ZCCHC7: variants seen among roughly 807,000 people sequenced by gnomAD.
ZCCHC7 encodes zinc finger CCHC-type containing 7, also known as zinc finger CCHC domain-containing protein 7.
In ZCCHC7, 35 loss-of-function variants were observed where a neutral mutation model predicts 52.0. The ratio of observed to expected loss-of-function variants is 0.67; its 90% CI spans 0.51 to 0.89. The LOEUF (loss-of-function observed/expected upper bound fraction) is 0.89. Among genes scored for constraint, ZCCHC7 ranks in the 40% least tolerant of loss-of-function variants. ZCCHC7 has a pLI of 0.00. For synonymous variants in ZCCHC7, 217 were observed against 221.5 expected, an observed-to-expected ratio of 0.98 and a Z score of 0.18; for missense variants, 574 against 649.1, an observed-to-expected ratio of 0.88 and a Z score of 1.26.
At chr9:37,186,713 C>G (rs1822677962) in intron 2 of ZCCHC7, 1 of 581,794 alleles carries the variant, frequency 1.7e-6, no homozygotes, top group Non-Finnish European at 3.2e-6. Flanking sequence ...TCCTTGCAGG[C>G]CAAGAATAAA....
intron 6 of ZCCHC7, among the ~76,000 whole-genome samples, chr9:37,340,215 G>A (rs896340539): frequency 3.9e-5 from 6 of 152,118 alleles, no homozygotes; most frequent in East Asian, 1.9e-4. Flanking sequence ...AATCCGTGGC[G>A]TGGTAGGCTT....
chr9:37,337,754 ATCTT>A (rs1260615705), intron 6 of ZCCHC7, among the ~76,000 whole-genome samples: 1 of 152,206 alleles, frequency 6.6e-6, no homozygotes, highest in Non-Finnish European at 1.5e-5. Context: ...TACCTATAAT[ATCTT>A]TCCAGGAAAC....
intron 2 of ZCCHC7, among the ~76,000 whole-genome samples, chr9:37,190,575 A>AG (rs1347221466): frequency 6.6e-6 from 1 of 152,248 alleles, no homozygotes; most frequent in African/African-American, 2.4e-5. Flanking sequence ...GGAAAAGACA[A>AG]GGTAGTGTGT....
intron 2 of ZCCHC7, among the ~76,000 whole-genome samples, chr9:37,282,872 CTTTT>C (rs58619243): frequency 1.3e-5 from 1 of 78,124 alleles, no homozygotes. Flanking sequence ...AGACCTGAAT[CTTTT>C]TTTTTTTTTT....
At chr9:37,184,266 G>GA (rs1822527557) in intron 2 of ZCCHC7, among the ~76,000 whole-genome samples, 1 of 152,010 alleles carries the variant, frequency 6.6e-6, no homozygotes, top group Non-Finnish European at 1.5e-5. Flanking sequence ...AGAAATCTAA[G>GA]AATCAACTTG....
chr9:37,237,417 G>T (rs948261439), intron 2 of ZCCHC7, among the ~76,000 whole-genome samples: 1 of 152,072 alleles, frequency 6.6e-6, no homozygotes, highest in Admixed American at 6.6e-5. Context: ...ATGTTTCAGG[G>T]TTCTGTCTTC....
intron 2 of ZCCHC7, among the ~76,000 whole-genome samples, chr9:37,152,623 T>C (rs1443904114): frequency 6.6e-6 from 1 of 152,218 alleles, no homozygotes; most frequent in Non-Finnish European, 1.5e-5. Context: ...ATTTGTTTGA[T>C]GTTTTTATTA....
intron 2 of ZCCHC7, among the ~76,000 whole-genome samples, chr9:37,167,619 A>G (rs1821495954): frequency 6.6e-6 from 1 of 152,148 alleles, no homozygotes. Context: ...CCAGACATTA[A>G]TTTTAACTTG....
At chr9:37,140,188 A>C (rs10283434) in intron 2 of ZCCHC7, among the ~76,000 whole-genome samples, 4,580 of 152,080 alleles carry the variant, frequency 0.03, 159 homozygotes, top group African/African-American at 0.075. Context: ...GATTTAACAC[A>C]AATGAACTTT....
intron 6 of ZCCHC7, among the ~76,000 whole-genome samples, chr9:37,347,279 A>G (rs1296707955): frequency 6.6e-6 from 1 of 152,078 alleles, no homozygotes; most frequent in African/African-American, 2.4e-5. Flanking sequence ...GATTCCACCA[A>G]ATCCCCTTCC....
chr9:37,224,487 A>G (rs919133249), intron 2 of ZCCHC7, among the ~76,000 whole-genome samples: 5 of 152,324 alleles, frequency 3.3e-5, no homozygotes, highest in Admixed American at 2.6e-4. Flanking sequence ...TCAAACTAGA[A>G]AAGCAGTCTA....
At chr9:37,351,152 G>A (rs895574430) in intron 7 of ZCCHC7, among the ~76,000 whole-genome samples, 3 of 152,114 alleles carry the variant, frequency 2.0e-5, no homozygotes, top group Non-Finnish European at 4.4e-5. Context: ...AGCAGCAACC[G>A]TGGGGGTGAG....
chr9:37,155,573 A>G (rs574117683), intron 2 of ZCCHC7, among the ~76,000 whole-genome samples: 2 of 152,344 alleles, frequency 1.3e-5, no homozygotes, highest in African/African-American at 4.8e-5. Context: ...AAGTCCAGTG[A>G]TTAGATATCT....
At chr9:37,163,055 G>A (rs1433705516) in intron 2 of ZCCHC7, among the ~76,000 whole-genome samples, 1 of 152,048 alleles carries the variant, frequency 6.6e-6, no homozygotes, top group Non-Finnish European at 1.5e-5. Flanking sequence ...ACAAAAATTA[G>A]CCAGGCATGG....
Position 37,235,461 on chromosome 9 carries a change from C to T in ZCCHC7, c.611-66727C>T, listed in dbSNP as rs193233863. Among the ~76,000 whole-genome samples, 522 of 149,476 alleles carry T rather than the reference C, an allele frequency of 3.5e-3. 2 individuals carry two copies. Among genetic ancestry groups the T allele is most frequent in the African/African-American group, 0.012 (501 of 40,686 alleles). ...ATTCTTTCTTTTCTTTCCTTTCTTT[C>T]CTTCCTTTCCTTCCTTCCTTTCTTT... On this transcript the variant is annotated intron_variant, in intron 2 of 8. Coordinates refer to ENST00000336755, the MANE Select transcript of ZCCHC7 (RefSeq NM_032226.3).
At chr9:37,263,208 G>T (rs997704496) in intron 2 of ZCCHC7, among the ~76,000 whole-genome samples, 7 of 151,752 alleles carry the variant, frequency 4.6e-5, no homozygotes, top group South Asian at 2.1e-4. Flanking sequence ...TATGGGATTC[G>T]CATCAGTTAT....
chr9:37,306,257 G>A (rs1377215555), intron 5 of ZCCHC7, among the ~76,000 whole-genome samples: 5 of 150,926 alleles, frequency 3.3e-5, no homozygotes, highest in African/African-American at 4.9e-5. Flanking sequence ...TAGTAGAGAC[G>A]GGGGTTTCAC....
At chr9:37,196,527 A>C (rs1823295815) in intron 2 of ZCCHC7, among the ~76,000 whole-genome samples, 2 of 152,268 alleles carry the variant, frequency 1.3e-5, no homozygotes, top group South Asian at 2.1e-4. Flanking sequence ...TTTGGGACTT[A>C]TTATAGTAGA....
chr9:37,330,654 T>G (rs1343287732), intron 6 of ZCCHC7, among the ~76,000 whole-genome samples: 2 of 151,766 alleles, frequency 1.3e-5, no homozygotes, highest in Non-Finnish European at 3.0e-5. Flanking sequence ...TTTAATAATA[T>G]AGCTAAAATA....
Sources: allele counts gnomAD v4.1 joint callset (sites outside exome capture counted in the v4.1 genomes callset), GRCh38; gene constraint gnomAD v4.1.1; transcripts MANE v1.5; gene names NCBI Gene and HGNC (gene_info 2026-07-23, HGNC 2026-07-21).